Variants in IPCEF1 observed in about 807,000 individuals in gnomAD.
IPCEF1 encodes the protein interactor protein for cytohesin exchange factors 1.
In IPCEF1, 31 loss-of-function variants were observed where a neutral mutation model predicts 50.9. That is an observed-to-expected ratio of 0.61 (90% CI 0.46 to 0.82). The LOEUF is 0.82. Ranked by LOEUF, IPCEF1 falls within the 40% of genes least tolerant of loss-of-function variation. The probability of loss-of-function intolerance (pLI) is 0.00; values close to 1 mark genes in which losing one functional copy is unlikely to be tolerated. For synonymous variants in IPCEF1, 181 were observed against 192.0 expected (o/e 0.94, Z 0.47); for missense variants, 458 against 514.0 (o/e 0.89, Z 1.05).
intron 2 of IPCEF1, among the ~76,000 whole-genome samples, chr6:154,273,943 C>T (rs9384201): frequency 0.16 from 24,390 of 150,020 alleles, 2,821 homozygotes; most frequent in East Asian, 0.64. Context: ...TTAGTAGAGA[C>T]GGGGTTTCAC....
chr6:154,200,780 C>A (rs1777003731), intron 9 of IPCEF1, among the ~76,000 whole-genome samples: 1 of 152,094 alleles, frequency 6.6e-6, no homozygotes, highest in Non-Finnish European at 1.5e-5. Context: ...CGAACTTAAA[C>A]CCTTGAATAT....
chr6:154,212,801 G>C lies in IPCEF1; in HGVS notation c.506C>G (p.Pro169Arg). 6.2e-7 allele frequency: 1 copy of C among 1,613,546 alleles called. No homozygotes were observed. The highest frequency in any genetic ancestry group is 8.5e-7 in the Non-Finnish European group (1 of 1,179,484). The change falls in exon 9 of 12, where the codon CCC (proline) becomes CGC (arginine). Residue 169 changes from proline to arginine, a missense_variant. Pro to Arg is a moderately radical substitution (Grantham distance 103, BLOSUM62 -2). Coordinates refer to ENST00000367220, the MANE Select transcript of IPCEF1 (RefSeq NM_001130700.2). ...CTGAGTCTGGGAAGCGTGAGGAGGG[G>C]GTGGTGTCTCCGCAGCTATTTCTGG... ...EDPEIAAETP[P>R]PPHASQTQSL... is the part of the protein sequence containing the mutation.
intron 1 of IPCEF1, among the ~76,000 whole-genome samples, chr6:154,297,358 A>G (rs1249503479): frequency 2.6e-5 from 4 of 152,056 alleles, no homozygotes; most frequent in Non-Finnish European, 5.9e-5. Flanking sequence ...TTACCTTTCT[A>G]GGTGTTTGGT....
chr6:154,347,125 CT>C (rs1784045698), intron 1 of IPCEF1, among the ~76,000 whole-genome samples: 1 of 152,178 alleles, frequency 6.6e-6, no homozygotes, highest in Non-Finnish European at 1.5e-5. Context: ...CCTCTGGCCT[CT>C]CTGGGGTTGG....
intron 1 of IPCEF1, among the ~76,000 whole-genome samples, chr6:154,347,820 G>A (rs58820428): frequency 0.065 from 9,948 of 152,220 alleles, 1,141 homozygotes; most frequent in African/African-American, 0.23. Flanking sequence ...ACGTGAGCTC[G>A]TGGGGAGTGG....
At chr6:154,278,347 G>A (rs1782117397) in intron 2 of IPCEF1, among the ~76,000 whole-genome samples, 1 of 152,182 alleles carries the variant, frequency 6.6e-6, no homozygotes, top group Non-Finnish European at 1.5e-5. Flanking sequence ...ACAAAGAGCT[G>A]AGCCCTGTGG....
rs536207639 is a variant in IPCEF1, at chr6:154,168,614, A to AT, written c.911-502dup. 1.3e-5 allele frequency among the ~76,000 whole-genome samples: 2 copies of AT among 150,818 alleles called. No homozygotes were observed. Among genetic ancestry groups the AT allele is most frequent in the Non-Finnish European group, 3.0e-5 (2 of 67,764 alleles). Reference sequence around the variant, plus strand: ...TAATTAATTAATTAATTTTATTATTATTTTTTTTGAGACGGAGTTTTACTG... The same window carrying AT: ...TAATTAATTAATTAATTTTATTATTATTTTTTTTTGAGACGGAGTTTTACTG... On this transcript the variant is annotated intron_variant, in intron 10 of 11. Coordinates refer to ENST00000367220, the MANE Select transcript of IPCEF1 (RefSeq NM_001130700.2). This position sits in a 1 kb window ranked among gnomAD's most constrained non-coding sequence, Gnocchi z 4.1.
At chr6:154,236,286 C>T (rs974943486) in intron 5 of IPCEF1, among the ~76,000 whole-genome samples, 8 of 152,074 alleles carry the variant, frequency 5.3e-5, no homozygotes, top group Non-Finnish European at 1.0e-4. Context: ...GTAAAATAGG[C>T]CAGTCACAAA....
At chr6:154,254,824 A>G (rs1275509712) in intron 3 of IPCEF1, among the ~76,000 whole-genome samples, 2 of 152,186 alleles carry the variant, frequency 1.3e-5, no homozygotes, top group Middle Eastern at 3.4e-3. Flanking sequence ...GTGCCTTTTC[A>G]TAGGTGAGTT....
intron 1 of IPCEF1, among the ~76,000 whole-genome samples, chr6:154,341,542 A>G (rs560293121): frequency 1.3e-5 from 2 of 152,308 alleles, no homozygotes; most frequent in African/African-American, 4.8e-5. Flanking sequence ...ATAGAGTGCA[A>G]TGAACAAAAC....
chr6:154,342,916 C>T (rs558122431), intron 1 of IPCEF1, among the ~76,000 whole-genome samples: 1 of 152,242 alleles, frequency 6.6e-6, no homozygotes, highest in Non-Finnish European at 1.5e-5. Context: ...AGTTTAAGAC[C>T]AGCCTGGGCA....
intron 9 of IPCEF1, among the ~76,000 whole-genome samples, chr6:154,202,837 A>T (rs1423911513): frequency 6.6e-6 from 1 of 151,236 alleles, no homozygotes; most frequent in African/African-American, 2.4e-5. Flanking sequence ...TTTCATTTTT[A>T]AATGGAGAAA....
At chr6:154,325,914 A>G (rs1246025546) in intron 1 of IPCEF1, among the ~76,000 whole-genome samples, 3 of 152,212 alleles carry the variant, frequency 2.0e-5, no homozygotes, top group Non-Finnish European at 4.4e-5. Context: ...GCCTCCATGC[A>G]TAGCCACATT....
At chr6:154,289,404 T>C (rs1053880960) in intron 2 of IPCEF1, among the ~76,000 whole-genome samples, 21 of 151,342 alleles carry the variant, frequency 1.4e-4, no homozygotes, top group African/African-American at 4.2e-4. Context: ...CACATAATTA[T>C]AGTTATAAAG....
intron 1 of IPCEF1, among the ~76,000 whole-genome samples, chr6:154,300,195 A>G (rs1360496275): frequency 7.0e-6 from 1 of 141,912 alleles, no homozygotes; most frequent in African/African-American, 2.5e-5. Flanking sequence ...AGCAGATGCA[A>G]TTTTAGGTTA....
intron 11 of IPCEF1, among the ~76,000 whole-genome samples, chr6:154,164,186 T>C (rs963093228): frequency 1.3e-5 from 2 of 152,326 alleles, no homozygotes; most frequent in African/African-American, 4.8e-5. Flanking sequence ...ATAAGATCTT[T>C]GAAAATTAAT....
At chr6:154,171,935 T>A (rs890427913) in intron 10 of IPCEF1, among the ~76,000 whole-genome samples, 3 of 152,194 alleles carry the variant, frequency 2.0e-5, no homozygotes, top group African/African-American at 4.8e-5. Flanking sequence ...ACCACAGTAT[T>A]TTTGAATTAA....
chr6:154,212,379 T>A (rs1778031843), intron 9 of IPCEF1, among the ~76,000 whole-genome samples: 1 of 152,198 alleles, frequency 6.6e-6, no homozygotes, highest in African/African-American at 2.4e-5. Context: ...CTGCTCTTTT[T>A]TCATCCTAAA....
chr6:154,300,598 A>C (rs1248058889), intron 1 of IPCEF1, among the ~76,000 whole-genome samples: 1 of 152,218 alleles, frequency 6.6e-6, no homozygotes, highest in Non-Finnish European at 1.5e-5. Flanking sequence ...TGGGTGACAC[A>C]GTAAGACCCT....
Sources: gnomAD v4.1 joint callset for allele counts (sites outside exome capture counted in the v4.1 genomes callset) on GRCh38, gnomAD v4.1.1 for gene constraint, Gnocchi (gnomAD v3.1) non-coding constraint, MANE v1.5 for transcripts, NCBI Gene and HGNC (gene_info 2026-07-23, HGNC 2026-07-21) for gene names.